Variants in USF2 observed in about 807,000 individuals in gnomAD.
USF2 encodes upstream transcription factor 2, c-fos interacting.
A neutral mutation model predicts 46.9 loss-of-function variants in USF2; 16 were observed. The ratio of observed to expected loss-of-function variants is 0.34; its 90% CI spans 0.23 to 0.52. The LOEUF (loss-of-function observed/expected upper bound fraction) is 0.52. Ranked by LOEUF, USF2 falls within the 20% of genes least tolerant of loss-of-function variation. The pLI, the probability that USF2 is intolerant of heterozygous loss-of-function variation, is 0.96. For synonymous variants in USF2, 239 were observed against 194.1 expected (o/e 1.23, Z -1.92); for missense variants, 411 against 474.0 (o/e 0.87, Z 1.23).
intron 7 of USF2, chr19:35,275,557 C>T (rs2066222182): frequency 6.6e-6 from 1 of 151,162 alleles, no homozygotes; most frequent in African/African-American, 2.4e-5. Context: ...GTTGCCAGTT[C>T]ACTCCAGCAT....
intron 7 of USF2, among the ~76,000 whole-genome samples, chr19:35,272,294 C>T (rs1353445936): frequency 2.0e-5 from 3 of 152,126 alleles, no homozygotes; most frequent in Non-Finnish European, 4.4e-5. Flanking sequence ...CAGGCAGTCA[C>T]AGGCAGGAGA....
Position 35,269,883 on chromosome 19 carries a change from C to T in USF2, c.309C>T (p.Ser103=), listed in dbSNP as rs761595477. The change falls in exon 4 of 10, where the codon TCC becomes TCT. Residue 103 remains serine, a synonymous_variant. Transcript: ENST00000222305. ...CAGCTGGCGCCGTCAGCGTCGTGTC[C>T]ACCGCTGCCTTCGCGGGGGGGCAGC... ...GDTAGAVSVV[S]TAAFAGGQQA... is the part of the protein sequence containing the mutation. The T allele has an allele frequency of 1.9e-5, 27 of 1,411,526 alleles. No homozygotes were observed. In the Admixed American group the frequency reaches 7.3e-4, roughly 38 times the overall value. 87.4% of individuals were successfully genotyped at this position (1,411,526 alleles called of 1,614,324 possible). A position where few individuals can be genotyped will look rare whatever the true frequency, so the allele number is the denominator to read the frequency against.
intron 1 of USF2, 22 bp downstream of exon 1, chr19:35,269,185 T>TGCCCCCGC (rs1185412791): frequency 4.1e-6 from 4 of 978,418 alleles, no homozygotes; most frequent in East Asian, 2.5e-4. Context: ...GGCCCGGCCG[T>TGCCCCCGC]GCCCCCGCGC....
rs1297542553 is a variant in USF2 at position 35,279,087 on chromosome 19, C to T, written c.951+13C>T. 1 of 1,612,204 alleles carries T rather than the reference C, an allele frequency of 6.2e-7. No homozygotes were observed. The highest frequency in any genetic ancestry group is 8.5e-7 in the Non-Finnish European group (1 of 1,179,156). ...CCTGAGGCAGCAGGTGGGTGCGGGG[C>T]CTGGAGCGGGTCAGGGCCCAGGAGC... On this transcript the variant is annotated intron_variant, in intron 9 of 9. Coordinates refer to ENST00000222305, the MANE Select transcript of USF2 (RefSeq NM_003367.4).
rs1174743813 is a variant in USF2 at position 35,269,845 on chromosome 19, G to T, written c.271G>T (p.Gly91Cys). The T allele has an allele frequency of 6.9e-6, 10 of 1,440,970 alleles. No individual in the cohort carries two copies. Among genetic ancestry groups the T allele is most frequent in the East Asian group, 3.0e-5 (1 of 33,840 alleles). The allele number at this position is 1,440,970 out of a possible 1,614,324, so 89.3% of individuals were successfully genotyped here. ...CCAGGTGACTGATGGTCAGCTGGAC[G>T]GCCAGGGCGACACAGCTGGCGCCGT... ...VVQVTDGQLD[G>C]QGDTAGAVSV... Residue 91 changes from glycine to cysteine, a missense_variant, in exon 4 of 10, where the codon GGC becomes TGC. Transcript: ENST00000222305.
intron 7 of USF2, among the ~76,000 whole-genome samples, chr19:35,271,493 C>T (rs1375294903): frequency 1.3e-5 from 2 of 152,148 alleles, no homozygotes; most frequent in African/African-American, 4.8e-5. Context: ...TTCCACGTGG[C>T]AGCTGTCATG....
chr19:35,278,530 G>T, intron 7 of USF2, 168 bp from the exon 8 acceptor site: 1 of 676,950 alleles, frequency 1.5e-6, no homozygotes. Flanking sequence ...AGAAGCTGGG[G>T]TGGGGGCCGG....
At chr19:35,272,097 G>A (rs1393403234) in intron 7 of USF2, among the ~76,000 whole-genome samples, 1 of 152,180 alleles carries the variant, frequency 6.6e-6, no homozygotes, top group Non-Finnish European at 1.5e-5. Context: ...CTGTGGCCCA[G>A]GTAGTTGTGT....
intron 4 of USF2, chr19:35,270,207 G>C: frequency 2.3e-6 from 2 of 865,496 alleles, no homozygotes; most frequent in Non-Finnish European, 3.3e-6. Flanking sequence ...CGCAAAATGG[G>C]AATGATGTGT....
At chr19:35,269,190 C>A in intron 1 of USF2, 27 bp downstream of exon 1, 9 of 996,446 alleles carry the variant, frequency 9.0e-6, no homozygotes, top group Non-Finnish European at 1.1e-5. Context: ...GGCCGTGCCC[C>A]CGCGCCCCGG....
At position 35,279,169 on chromosome 19, in the gene USF2, C is replaced by G. The variant is rs369650457; in HGVS notation, c.954C>G (p.Ile318Met). 1.5e-5 allele frequency: 24 copies of G among 1,608,828 alleles called. No homozygotes were observed. The highest frequency in any genetic ancestry group is 1.6e-4 in the Middle Eastern group (1 of 6,070). ...TTGACCTCCGTCGTGTCCGCCAGAT[C>G]GAGGAGCTGAAGAATGAGAACGCCC... is the stretch of plus-strand genomic sequence containing the variant. Reference protein sequence around the residue: ...QMDNELLRQQIEELKNENALL... With the variant: ...QMDNELLRQQMEELKNENALL... Residue 318 changes from isoleucine to methionine, a missense_variant and splice_region_variant, in exon 10 of 10, where the codon ATC (isoleucine) becomes ATG (methionine). Coordinates refer to ENST00000222305, the MANE Select transcript of USF2 (RefSeq NM_003367.4).
At position 35,279,400 on chromosome 19, in the gene USF2, A is replaced by C; in HGVS notation, c.*144A>C. On this transcript the variant is annotated 3_prime_UTR_variant, in exon 10 of 10. Transcript: ENST00000222305. ...TTTTTAACAAAAAACGGGGAGAAAT[A>C]ATGCATTTCTGTGGATACAGTGCCC... 1.1e-6 allele frequency: 1 copy of C among 917,264 alleles called. No homozygotes were observed. The highest frequency in any genetic ancestry group is 1.5e-6 in the Non-Finnish European group (1 of 646,984). 56.8% of individuals were successfully genotyped at this position (917,264 alleles called of 1,614,324 possible).
At chr19:35,278,874 C>A (rs550896497) in intron 8 of USF2, 72 bp from the exon 9 acceptor site, 1 of 1,601,320 alleles carries the variant, frequency 6.2e-7, no homozygotes, top group East Asian at 2.2e-5. Context: ...CCATGGGGCT[C>A]GGGAGTCATC....
intron 7 of USF2, chr19:35,275,664 G>A (rs1390175626): frequency 6.6e-6 from 1 of 152,076 alleles, no homozygotes; most frequent in Non-Finnish European, 1.5e-5. Context: ...TGACCTTTCT[G>A]TTATTTGGAG....
At chr19:35,270,168 G>A (rs1264783539) in intron 4 of USF2, 165 bp downstream of exon 4, 6 of 983,108 alleles carry the variant, frequency 6.1e-6, no homozygotes, top group Admixed American at 6.6e-5. Flanking sequence ...GTGAAACCTG[G>A]GGACAGTGCT....
Position 35,269,823 on chromosome 19 carries a change from G to A in USF2, c.249G>A (p.Gln83=). The A allele has an allele frequency of 1.4e-6, 2 of 1,465,258 alleles. No individual in the cohort carries two copies. Among genetic ancestry groups the A allele is most frequent in the South Asian group, 2.8e-5 (2 of 72,650 alleles). 90.8% of individuals were successfully genotyped at this position (1,465,258 alleles called of 1,614,324 possible). The change falls in exon 4 of 10, where the codon CAG becomes CAA. Residue 83 remains glutamine (Q), a synonymous_variant. Coordinates refer to ENST00000222305, the MANE Select transcript of USF2 (RefSeq NM_003367.4). ...NGGQVTYRVV[Q]VTDGQLDGQG... is the part of the protein sequence containing the mutation. ...TGCAGGTGACATACCGCGTAGTCCAGGTGACTGATGGTCAGCTGGACGGCC... is the reference window on the plus strand; with the variant it reads ...TGCAGGTGACATACCGCGTAGTCCAAGTGACTGATGGTCAGCTGGACGGCC...
intron 7 of USF2, chr19:35,277,716 G>A (rs1318793060): frequency 5.9e-5 from 9 of 152,404 alleles, no homozygotes; most frequent in African/African-American, 2.2e-4. Flanking sequence ...CCTGGCAGGG[G>A]GCTGGGGGTC....
chr19:35,272,018 C>T (rs376380956), intron 7 of USF2, among the ~76,000 whole-genome samples: 4 of 152,186 alleles, frequency 2.6e-5, no homozygotes, highest in East Asian at 1.9e-4. Flanking sequence ...GAGGGAAGAT[C>T]GGGAAGGCCT....
intron 1 of USF2, 135 bp from the exon 2 acceptor site, chr19:35,269,311 C>T: frequency 3.5e-6 from 3 of 868,738 alleles, no homozygotes; most frequent in Non-Finnish European, 1.4e-6. Context: ...GCGCCTCCCG[C>T]CCCCGGCCCC....
Sources: allele counts gnomAD v4.1 joint callset (sites outside exome capture counted in the v4.1 genomes callset), GRCh38; gene constraint gnomAD v4.1.1; transcripts MANE v1.5; gene names NCBI Gene and HGNC (gene_info 2026-07-23, HGNC 2026-07-21).